The following SLC6A20 variants were observed in gnomAD, a reference collection of about 807,000 sequenced individuals.
The protein encoded by SLC6A20 is solute carrier family 6 member 20, also known as sodium- and chloride-dependent transporter XTRP3.
Under a neutral mutation model 64.3 loss-of-function variants are expected in SLC6A20, and 73 were observed. The observed-to-expected ratio is 1.14, with a 90% confidence interval of 0.94 to 1.38. The LOEUF is 1.38. Among genes scored for constraint, SLC6A20 ranks in the 40% most tolerant of loss-of-function variants. The pLI is 0.00. For missense variants in SLC6A20, 725 were observed against 772.8 expected (o/e 0.94, Z 0.73); for synonymous variants, 347 against 329.6 (o/e 1.05, Z -0.57).
In SLC6A20 at chr3:45,780,028, T is replaced by C. The variant is rs1195772511; in HGVS notation, c.335A>G (p.Tyr112Cys). The C allele has an allele frequency of 6.2e-7, 1 of 1,602,690 alleles. No homozygotes were observed. Among genetic ancestry groups the C allele is most frequent in the Non-Finnish European group, 8.5e-7 (1 of 1,174,644 alleles). Residue 112 changes from tyrosine to cysteine, a missense_variant, in exon 3 of 11, where the codon TAC becomes TGC. By Grantham distance (194) the Tyr-to-Cys change is radical. Coordinates refer to ENST00000358525, the MANE Select transcript of SLC6A20 (RefSeq NM_020208.4). ...GCTCACCTGGAAGGAGTGGAAGAGG[T>C]ACCAGAAGGCCCAGGCGTTGATGAC... ...YNVINAWAFWYLFHSFQDPLP... is the reference protein window; with the variant it reads ...YNVINAWAFWCLFHSFQDPLP...
intron 4 of SLC6A20, among the ~76,000 whole-genome samples, chr3:45,774,839 G>A (rs548254351): frequency 6.6e-6 from 1 of 152,296 alleles, no homozygotes; most frequent in Admixed American, 6.5e-5. Context: ...TTGGGGTGAG[G>A]CTGGGCTTTG....
At chr3:45,779,902 C>T in intron 3 of SLC6A20, 107 bp downstream of exon 3, 1 of 1,233,242 alleles carries the variant, frequency 8.1e-7, no homozygotes, top group East Asian at 2.5e-5. Flanking sequence ...GCTCCCCGCC[C>T]CGAGGCTGCT....
chr3:45,792,353 C>T (rs956513872), intron 1 of SLC6A20, among the ~76,000 whole-genome samples: 4 of 152,216 alleles, frequency 2.6e-5, no homozygotes, highest in African/African-American at 9.7e-5. Flanking sequence ...CTCCAGAAGT[C>T]TTGTTCTCTC....
In SLC6A20 at chr3:45,759,889, TC is replaced by T. The variant is rs763957120; in HGVS notation, c.1596del (p.Thr533ProfsTer2). 7 of 1,613,896 alleles carry T rather than the reference TC, an allele frequency of 4.3e-6. No individual in the cohort carries two copies. In the African/African-American group the frequency reaches 9.3e-5, roughly 22 times the overall value. On this transcript the variant is annotated frameshift_variant, in exon 10 of 11. Transcript: ENST00000358525. LOFTEE classifies it low-confidence loss of function (END_TRUNC). ...GCGTCCCAGGCTTGATACTTCAGGG[TC>T]CCCGTGAGGATGTAGTCGCTCAGGT... ...VFYLSDYILT[G>X]TLKYQAWDAS...
chr3:45,769,720 A>G (rs981325132), intron 7 of SLC6A20, among the ~76,000 whole-genome samples: 4 of 152,172 alleles, frequency 2.6e-5, no homozygotes, highest in African/African-American at 4.8e-5. Context: ...TAAAACAAAA[A>G]CTGCCAACAA....
intron 9 of SLC6A20, among the ~76,000 whole-genome samples, chr3:45,762,387 G>A (rs770441163): frequency 6.6e-6 from 1 of 152,200 alleles, no homozygotes; most frequent in African/African-American, 2.4e-5. Flanking sequence ...AGGCACACTC[G>A]AGTTTGAAGG....
chr3:45,775,843 T>A lies in SLC6A20; in HGVS notation c.500A>T (p.Gln167Leu). 6.2e-7 allele frequency: 1 copy of A among 1,614,146 alleles called. No homozygotes were observed. The highest frequency in any genetic ancestry group is 1.1e-5 in the South Asian group (1 of 91,086). ...SPSLQENGGV[Q>L]WEPALCLLLA... ...GAGGAGGCACAGCGCCGGCTCCCAC[T>A]GCACACCCCCGTTCTCCTGGAGGGA... is the stretch of plus-strand genomic sequence containing the variant. The change falls in exon 4 of 11, where the codon CAG becomes CTG. Residue 167 changes from glutamine (Q) to leucine (L), a missense_variant. Physicochemically the swap from Gln to Leu is moderately radical, Grantham distance 113 (BLOSUM62 -2). Coordinates refer to ENST00000358525, the MANE Select transcript of SLC6A20 (RefSeq NM_020208.4).
intron 5 of SLC6A20, 186 bp from the exon 6 acceptor site, chr3:45,771,644 C>A: frequency 1.2e-6 from 1 of 861,296 alleles, no homozygotes; most frequent in Non-Finnish European, 1.7e-6. Flanking sequence ...GAAACACACA[C>A]CTCAAGCTGC....
In SLC6A20 at chr3:45,756,441, G is replaced by T. The variant is rs577117755; in HGVS notation, c.*2537C>A. 3 of 152,324 alleles carry T rather than the reference G, an allele frequency of 2.0e-5. No homozygotes were observed. The South Asian group carries it at 6.2e-4, about 32-fold the overall frequency. 9.4% of individuals were successfully genotyped at this position (152,324 alleles called of 1,614,324 possible). A position where few individuals can be genotyped will look rare whatever the true frequency, so the allele number is the denominator to read the frequency against. On this transcript the variant is annotated 3_prime_UTR_variant, in exon 11 of 11. Coordinates refer to ENST00000358525, the MANE Select transcript of SLC6A20 (RefSeq NM_020208.4). ...AAGATTGAATCCACGGGGTAGATAA[G>T]ATTAAATCCATGGGGTACATGCTGG...
chr3:45,775,849 C>T lies in SLC6A20; in HGVS notation c.494G>A (p.Gly165Asp), dbSNP rs369572338. The change falls in exon 4 of 11, where the codon GGT becomes GAT. Residue 165 changes from glycine (G) to aspartate (D), a missense_variant. Physicochemically the swap from Gly to Asp is moderately conservative, Grantham distance 94. Transcript: ENST00000358525. ...NISPSLQENG[G>D]VQWEPALCLL... The stretch of plus-strand genomic sequence containing the variant: ...GCACAGCGCCGGCTCCCACTGCACA[C>T]CCCCGTTCTCCTGGAGGGACGGCGA... 1.1e-5 allele frequency: 18 copies of T among 1,614,186 alleles called. No individual in the cohort carries two copies. In the African/African-American group the frequency reaches 2.1e-4, roughly 19 times the overall value.
intron 1 of SLC6A20, among the ~76,000 whole-genome samples, chr3:45,783,435 C>T (rs1700127804): frequency 6.6e-6 from 1 of 152,272 alleles, no homozygotes; most frequent in African/African-American, 2.4e-5. Context: ...ACCCACTCTT[C>T]TCACCCTATG....
intron 1 of SLC6A20, among the ~76,000 whole-genome samples, chr3:45,793,301 A>G (rs1241413723): frequency 6.6e-6 from 1 of 152,140 alleles, no homozygotes; most frequent in East Asian, 1.9e-4. Context: ...TCATCTCTCC[A>G]TGTTTCTTCC....
chr3:45,796,086 G>T (rs1700340152), intron 1 of SLC6A20, among the ~76,000 whole-genome samples: 1 of 152,174 alleles, frequency 6.6e-6, no homozygotes, highest in South Asian at 2.1e-4. Flanking sequence ...GGGGCGAGGG[G>T]TTCCCGAGGG....
rs567794486 is a variant in SLC6A20 at position 45,784,362 on chromosome 3, T to G, written c.122-2139A>C. Among the ~76,000 whole-genome samples, 4 of 152,312 alleles carry G rather than the reference T, an allele frequency of 2.6e-5. No homozygotes were observed. The South Asian group carries it at 8.3e-4, about 32-fold the overall frequency. Reference sequence around the variant, plus strand: ...TATAACAAACAAATCTCAGAATGGATTACAGGCCTATATGAACAACTAAAA... The same window carrying G: ...TATAACAAACAAATCTCAGAATGGAGTACAGGCCTATATGAACAACTAAAA... On this transcript the variant is annotated intron_variant, in intron 1 of 10. Coordinates refer to ENST00000358525, the MANE Select transcript of SLC6A20 (RefSeq NM_020208.4).
chr3:45,790,770 A>C (rs149477335), intron 1 of SLC6A20, among the ~76,000 whole-genome samples: 76 of 152,308 alleles, frequency 5.0e-4, no homozygotes, highest in Non-Finnish European at 7.8e-4. Context: ...CTTTGCTGTC[A>C]GAGCTAAGCT....
At chr3:45,780,470 G>A (rs1700061619) in intron 2 of SLC6A20, among the ~76,000 whole-genome samples, 1 of 152,260 alleles carries the variant, frequency 6.6e-6, no homozygotes, top group Non-Finnish European at 1.5e-5. Context: ...CTACCCGGCT[G>A]TTAAGTGGCA....
chr3:45,771,493 TG>T (rs1699866459), intron 5 of SLC6A20, 35 bp from the exon 6 acceptor site: 1 of 1,610,488 alleles, frequency 6.2e-7, no homozygotes, highest in African/African-American at 1.3e-5. Context: ...TGATGATCCC[TG>T]GGTGGAATCC....
In SLC6A20 at chr3:45,759,920, G is replaced by A. The variant is rs1275244762; in HGVS notation, c.1566C>T (p.Val522=). The stretch of plus-strand genomic sequence containing the variant: ...TGAGGATGTAGTCGCTCAGGTAGAA[G>A]ACAAAGAGGCTGACAATCAGCAGTG... ...VSPLLIVSLF[V]FYLSDYILTG... Residue 522 remains valine (V), a synonymous_variant, in exon 10 of 11, where the codon GTC becomes GTT. Transcript: ENST00000358525. 1 of 1,614,184 alleles carries A rather than the reference G, an allele frequency of 6.2e-7. No homozygotes were observed. The highest frequency in any genetic ancestry group is 1.7e-5 in the Admixed American group (1 of 60,026).
chr3:45,772,846 C>A (rs1699899988), intron 4 of SLC6A20, among the ~76,000 whole-genome samples: 1 of 152,144 alleles, frequency 6.6e-6, no homozygotes, highest in South Asian at 2.1e-4. Flanking sequence ...ATTTCTTATT[C>A]AGTAGAGAAG....
Sources: allele counts gnomAD v4.1 joint callset (sites outside exome capture counted in the v4.1 genomes callset), GRCh38; gene constraint gnomAD v4.1.1; transcripts MANE v1.5; gene names NCBI Gene and HGNC (gene_info 2026-07-23, HGNC 2026-07-21).